VILL: variants seen among roughly 807,000 people sequenced by gnomAD.
VILL encodes the protein villin like, also known as villin-like protein.
A neutral mutation model predicts 106.3 loss-of-function variants in VILL; 102 were observed. The ratio of observed to expected loss-of-function variants is 0.96; its 90% confidence interval spans 0.82 to 1.13. The LOEUF (loss-of-function observed/expected upper bound fraction) is 1.13. Ranked by LOEUF, VILL falls within the 50% of genes most tolerant of loss-of-function variation. The probability of loss-of-function intolerance (pLI) is 0.00; values close to 1 mark genes in which losing one functional copy is unlikely to be tolerated. For synonymous variants in VILL, 431 were observed against 440.3 expected, an observed-to-expected ratio of 0.98 and a Z score of 0.27; for missense variants, 1,076 against 1,116.6, an observed-to-expected ratio of 0.96 and a Z score of 0.52.
Position 37,999,382 on chromosome 3 carries a change from C to T in VILL, c.1125C>T (p.Thr375=). Residue 375 remains threonine, a synonymous_variant, in exon 11 of 20, where the codon ACC becomes ACT. Coordinates refer to ENST00000383759, the MANE Select transcript of VILL (RefSeq NM_015873.4). ...HVKLDVGKLH[T]QPKLAAQLRM... ...AGCTGGACGTGGGCAAGCTGCACAC[C>T]CAGCCTAAGTTAGCGGCCCAGCTCA... The T allele has an allele frequency of 2.7e-6, 4 of 1,508,560 alleles. No individual in the cohort carries two copies. The highest frequency in any genetic ancestry group is 3.5e-6 in the Non-Finnish European group (4 of 1,131,426). The allele number at this position is 1,508,560 out of a possible 1,614,324, so 93.4% of individuals were successfully genotyped here.
rs1466394339 is a variant in VILL at position 37,997,889 on chromosome 3, G to C, written c.765-201G>C. Among the ~76,000 whole-genome samples, 1 of 152,216 alleles carries C rather than the reference G, an allele frequency of 6.6e-6. No homozygotes were observed. Among genetic ancestry groups the C allele is most frequent in the African/African-American group, 2.4e-5 (1 of 41,458 alleles). On this transcript the variant is annotated intron_variant, in intron 7 of 19. Transcript: ENST00000383759. This position sits in a 1 kb window ranked among gnomAD's most constrained non-coding sequence, Gnocchi z 4.7. ...TGAGAAACCTATTGTACATACAGGG[G>C]GACTGTGGCGCCCTGCCAGGGCCAG...
upstream of VILL, among the ~76,000 whole-genome samples, chr3:37,989,108 C>T (rs1232257372): frequency 4.6e-5 from 7 of 152,092 alleles, no homozygotes; most frequent in Non-Finnish European, 7.4e-5. Flanking sequence ...GCCCAGGATC[C>T]ACCATGAACC....
intron 15 of VILL, 82 bp downstream of exon 15, chr3:38,003,395 C>G: frequency 6.8e-7 from 1 of 1,462,908 alleles, no homozygotes; most frequent in Non-Finnish European, 9.1e-7. Context: ...GGGATTCACA[C>G]AGAGAGCTGG....
At position 38,007,011 on chromosome 3, in the gene VILL, A is replaced by C; in HGVS notation, c.2527A>C (p.Thr843Pro). Residue 843 changes from threonine to proline, a missense_variant, in exon 20 of 20, where the codon ACG becomes CCG. Transcript: ENST00000383759. Reference protein sequence around the residue: ...KSKEEFYSMATWRQRQEKKQL... With the variant: ...KSKEEFYSMAPWRQRQEKKQL... The stretch of plus-strand genomic sequence containing the variant: ...CAAGGAGGAATTCTACAGCATGGCC[A>C]CGTGGAGGCAGCGGCAGGAGAAAAA... 1 of 1,614,118 alleles carries C rather than the reference A, an allele frequency of 6.2e-7. No individual in the cohort carries two copies. Among genetic ancestry groups the C allele is most frequent in the Non-Finnish European group, 8.5e-7 (1 of 1,180,010 alleles).
chr3:37,993,844 G>T, intron 2 of VILL, 54 bp from the exon 3 acceptor site: 1 of 1,609,504 alleles, frequency 6.2e-7, no homozygotes, highest in Non-Finnish European at 8.5e-7. Context: ...CCACCCCAGC[G>T]GGTGTCATGG....
At chr3:37,994,493 A>T in intron 4 of VILL, 27 bp downstream of exon 4, 4 of 1,600,502 alleles carry the variant, frequency 2.5e-6, no homozygotes, top group Non-Finnish European at 3.4e-6. Flanking sequence ...CCGGGGCAGG[A>T]GGGAGCCGTG....
At chr3:38,003,489 T>C (rs570547199) in intron 15 of VILL, 176 bp downstream of exon 15, 39 of 811,738 alleles carry the variant, frequency 4.8e-5, no homozygotes, top group South Asian at 1.2e-4. Context: ...CTCCCAGGCC[T>C]GGGTAACTTG....
chr3:37,994,327 G>T lies in VILL; in HGVS notation c.202G>T (p.Ala68Ser). Residue 68 changes from alanine to serine, a missense_variant, in exon 4 of 20, where the codon GCG becomes TCG. Physicochemically the swap from Ala to Ser is moderately conservative, Grantham distance 99. Coordinates refer to ENST00000383759, the MANE Select transcript of VILL (RefSeq NM_015873.4). ...CCTGCACTACTGGGTCGGGAAGCAGGCGGGTGCGGAAGCGCAGGGCGCTGC... is the reference window on the plus strand; with the variant it reads ...CCTGCACTACTGGGTCGGGAAGCAGTCGGGTGCGGAAGCGCAGGGCGCTGC... ...SDLHYWVGKQAGAEAQGAAEA... is the reference protein window; with the variant it reads ...SDLHYWVGKQSGAEAQGAAEA... 1 of 1,611,652 alleles carries T rather than the reference G, an allele frequency of 6.2e-7. No individual in the cohort carries two copies. Among genetic ancestry groups the T allele is most frequent in the Non-Finnish European group, 8.5e-7 (1 of 1,179,752 alleles).
rs929404660 is a variant in VILL at position 37,997,053 on chromosome 3, T to G, written c.451-24T>G. 2 of 1,606,798 alleles carry G rather than the reference T, an allele frequency of 1.2e-6. No individual in the cohort carries two copies. Among genetic ancestry groups the G allele is most frequent in the South Asian group, 1.1e-5 (1 of 90,796 alleles). Reference sequence around the variant, plus strand: ...AGCGGATGCTGGTGGTATGACACTCTGTCTCTCTCCCTGGCTCTGGCAGGT... The same window carrying G: ...AGCGGATGCTGGTGGTATGACACTCGGTCTCTCTCCCTGGCTCTGGCAGGT... On this transcript the variant is annotated intron_variant, in intron 5 of 19. Transcript: ENST00000383759. This position sits in a 1 kb window ranked among gnomAD's most constrained non-coding sequence, Gnocchi z 4.7.
Position 38,006,496 on chromosome 3 carries a change from A to C in VILL, c.2253A>C (p.Ala751=). The C allele has an allele frequency of 1.2e-6, 2 of 1,609,578 alleles. No homozygotes were observed. The highest frequency in any genetic ancestry group is 1.7e-6 in the Non-Finnish European group (2 of 1,176,454). The change falls in exon 19 of 20, where the codon GCA becomes GCC. Residue 751 remains alanine (A), a synonymous_variant. Transcript: ENST00000383759. ...RLSRWPGNGR[A]GAVALQALKG... is the part of the protein sequence containing the mutation. ...CCAGATGGCCGGGCAATGGCAGGGC[A>C]GGTGCCGTGGCCCTGCAGGCCCTCA... is the stretch of plus-strand genomic sequence containing the variant.
At chr3:37,992,478 C>T (rs1699624250) in intron 1 of VILL, among the ~76,000 whole-genome samples, 1 of 152,128 alleles carries the variant, frequency 6.6e-6, no homozygotes, top group African/African-American at 2.4e-5. Context: ...TTCACTCAGT[C>T]CAGTCGCAGG....
chr3:38,004,362 A>G lies in VILL; in HGVS notation c.1913A>G (p.Asp638Gly). 1 of 1,613,254 alleles carries G rather than the reference A, an allele frequency of 6.2e-7. No individual in the cohort carries two copies. Among genetic ancestry groups the G allele is most frequent in the East Asian group, 2.2e-5 (1 of 44,838 alleles). ...EVGFFSQEDL[D>G]KYDIMLLDTW... ...GGGTTCTTCAGCCAGGAGGACCTGG[A>G]CAAGTATGACATCATGTTACTGGAC... Residue 638 changes from aspartate (D) to glycine (G), a missense_variant, in exon 16 of 20, where the codon GAC (aspartate) becomes GGC (glycine). Transcript: ENST00000383759.
rs753761287 is a variant in VILL at position 37,997,438 on chromosome 3, G to T, written c.562-45G>T. On this transcript the variant is annotated intron_variant, in intron 6 of 19. Coordinates refer to ENST00000383759, the MANE Select transcript of VILL (RefSeq NM_015873.4). The surrounding 1 kb of genome is among the most constrained non-coding windows in gnomAD (Gnocchi z 4.7). ...GTGACAGGAGAAGTCTCTGCTGTGA[G>T]AGGGCACACTGGTGACACCCTGACT... 5 of 1,598,182 alleles carry T rather than the reference G, an allele frequency of 3.1e-6. No individual in the cohort carries two copies. The highest frequency in any genetic ancestry group is 4.3e-6 in the Non-Finnish European group (5 of 1,171,160).
intron 14 of VILL, 104 bp from the exon 15 acceptor site, chr3:38,003,064 T>A: frequency 1.4e-6 from 2 of 1,434,620 alleles, no homozygotes; most frequent in Non-Finnish European, 1.9e-6. Flanking sequence ...AGGCCTCCTG[T>A]GACTTGGGCC....
In VILL at chr3:37,999,290, G is replaced by T. The variant is rs374387975; in HGVS notation, c.1082-49G>T. ...GAGGAGTGGGCGGGGCGGAGATGGT[G>T]TTGGGGGGGGGCAGAGGGCGCCACT... On this transcript the variant is annotated intron_variant, in intron 10 of 19. Transcript: ENST00000383759. 4.2e-4 allele frequency: 585 copies of T among 1,380,838 alleles called. 7 individuals are homozygous for T. In the South Asian group the frequency reaches 8.3e-3, roughly 20 times the overall value. The allele number at this position is 1,380,838 out of a possible 1,614,324, so 85.5% of individuals were successfully genotyped here.
rs535263953 is a variant in VILL at position 38,001,563 on chromosome 3, C to T, written c.1290C>T (p.Gly430=). Residue 430 remains glycine (G), a synonymous_variant, in exon 12 of 20, where the codon GGC becomes GGT. Transcript: ENST00000383759. ...TGCTCTACACATACCAGAGGCTGGGCCGTGTCCAGTACATCCTGTACCTAT... is the reference window on the plus strand; with the variant it reads ...TGCTCTACACATACCAGAGGCTGGGTCGTGTCCAGTACATCCTGTACCTAT... ...YLVLYTYQRL[G]RVQYILYLWQ... 2.5e-6 allele frequency: 4 copies of T among 1,614,202 alleles called. No homozygotes were observed. The East Asian group carries it at 8.9e-5, about 36-fold the overall frequency.
At chr3:37,992,376 ACT>A (rs974448093) in intron 1 of VILL, among the ~76,000 whole-genome samples, 10 of 151,940 alleles carry the variant, frequency 6.6e-5, no homozygotes, top group Admixed American at 6.6e-4. Flanking sequence ...TCTGCCTGTC[ACT>A]CATGTCATTG....
Position 38,002,582 on chromosome 3 carries a change from A to G in VILL, c.1659+7A>G. Reference sequence around the variant, plus strand: ...CTACCTCTGGTTTGGGAAGGTACCCACAGCACTGACCACTTGATTCATGCC... The same window carrying G: ...CTACCTCTGGTTTGGGAAGGTACCCGCAGCACTGACCACTTGATTCATGCC... On this transcript the variant is annotated splice_region_variant and intron_variant, in intron 14 of 19. Coordinates refer to ENST00000383759, the MANE Select transcript of VILL (RefSeq NM_015873.4). 1 of 1,610,932 alleles carries G rather than the reference A, an allele frequency of 6.2e-7. No individual in the cohort carries two copies. The highest frequency in any genetic ancestry group is 8.5e-7 in the Non-Finnish European group (1 of 1,178,166).
In VILL at chr3:38,004,047, G is replaced by A. The variant is rs114282767; in HGVS notation, c.1806-208G>A. ...CATGGGGCACCTTGCGTCACAGCTG[G>A]GTGGGGCGAGAGCTTTCTCCATGAG... On this transcript the variant is annotated intron_variant, in intron 15 of 19. Transcript: ENST00000383759. The A allele has an allele frequency of 2.7e-3, 1,474 of 555,782 alleles. 25 individuals are homozygous for A. The highest frequency in any genetic ancestry group is 0.026 in the African/African-American group (1,382 of 53,686). 34.4% of individuals were successfully genotyped at this position (555,782 alleles called of 1,614,324 possible).
Sources: gnomAD v4.1 joint callset for allele counts (sites outside exome capture counted in the v4.1 genomes callset) on GRCh38, gnomAD v4.1.1 for gene constraint, Gnocchi (gnomAD v3.1) non-coding constraint, MANE v1.5 for transcripts, NCBI Gene and HGNC (gene_info 2026-07-23, HGNC 2026-07-21) for gene names.